RNF216: variants seen among roughly 807,000 people sequenced by gnomAD.
RNF216 encodes ring finger protein 216, also known as E3 ubiquitin-protein ligase RNF216.
A neutral mutation model predicts 110.8 loss-of-function variants in RNF216; 72 were observed. The observed-to-expected ratio is 0.65, with a 90% CI of 0.54 to 0.79. The LOEUF is 0.79. RNF216 is among the 30% of genes least tolerant of loss of function. The probability of loss-of-function intolerance (pLI) is 0.00; values close to 1 mark genes in which losing one functional copy is unlikely to be tolerated. For missense variants in RNF216, 1,342 were observed against 1,141.2 expected (o/e 1.18, Z -2.54); for synonymous variants, 495 against 407.5 (o/e 1.21, Z -2.59).
At chr7:5,726,606 C>A (rs1793767274) in intron 7 of RNF216, among the ~76,000 whole-genome samples, 1 of 152,204 alleles carries the variant, frequency 6.6e-6, no homozygotes, top group East Asian at 1.9e-4. Context: ...GCCTGTAATC[C>A]CAGCACTTTG....
chr7:5,670,163 A>C (rs1211472235), intron 13 of RNF216, among the ~76,000 whole-genome samples: 1 of 151,916 alleles, frequency 6.6e-6, no homozygotes, highest in African/African-American at 2.4e-5. Context: ...CAAACTCCTG[A>C]CCTCAAGTGA....
intron 13 of RNF216, among the ~76,000 whole-genome samples, chr7:5,679,953 G>A (rs1334237786): frequency 6.6e-6 from 1 of 152,186 alleles, no homozygotes; most frequent in Non-Finnish European, 1.5e-5. Context: ...TATGCACAGC[G>A]AGTCCCTTAG....
chr7:5,680,624 G>C lies in RNF216; in HGVS notation c.2062-28114C>G, dbSNP rs852395. On this transcript the variant is annotated intron_variant, in intron 13 of 16. Coordinates refer to ENST00000389902, the MANE Select transcript of RNF216 (RefSeq NM_207111.4). The surrounding 1 kb of genome is among the most constrained non-coding windows in gnomAD (Gnocchi z 4.3). The stretch of plus-strand genomic sequence containing the variant: ...TCACCATGTTGGCCAGGATGGTCTC[G>C]ATCTCCTGACCTTGTGATCTGCCCG... 2.6e-5 allele frequency among the ~76,000 whole-genome samples: 4 copies of C among 151,902 alleles called. No individual in the cohort carries two copies. The highest frequency in any genetic ancestry group is 1.9e-4 in the East Asian group (1 of 5,168).
At chr7:5,773,769 T>G (rs10229675) in intron 1 of RNF216, among the ~76,000 whole-genome samples, 4 of 152,098 alleles carry the variant, frequency 2.6e-5, no homozygotes, top group African/African-American at 9.7e-5. Flanking sequence ...GGTTTTGTCA[T>G]GTTGGCCAGG....
chr7:5,726,460 C>A (rs1178404052), intron 7 of RNF216, among the ~76,000 whole-genome samples: 1 of 152,206 alleles, frequency 6.6e-6, no homozygotes, highest in Non-Finnish European at 1.5e-5. Context: ...CCACCCCACC[C>A]TGTAACAGGA....
chr7:5,642,485 G>A (rs911703905), intron 14 of RNF216, among the ~76,000 whole-genome samples: 2 of 150,852 alleles, frequency 1.3e-5, no homozygotes, highest in African/African-American at 2.4e-5. Flanking sequence ...AAAGTGCTGG[G>A]ATTACAAGTG....
chr7:5,650,875 G>C (rs186075477), intron 14 of RNF216, among the ~76,000 whole-genome samples: 1 of 152,266 alleles, frequency 6.6e-6, no homozygotes, highest in East Asian at 1.9e-4. Context: ...GTACCCACCT[G>C]TGCTGCATAC....
intron 1 of RNF216, among the ~76,000 whole-genome samples, chr7:5,770,475 A>G (rs1218517658): frequency 6.6e-6 from 1 of 152,050 alleles, no homozygotes; most frequent in Non-Finnish European, 1.5e-5. Flanking sequence ...AAAAAAAAAA[A>G]GATTACTGGG....
chr7:5,679,758 CTG>C (rs1257110794), intron 13 of RNF216, among the ~76,000 whole-genome samples: 1 of 152,192 alleles, frequency 6.6e-6, no homozygotes, highest in Non-Finnish European at 1.5e-5. Context: ...AAGAGCGTAT[CTG>C]TGTGAGTGCC....
intron 5 of RNF216, among the ~76,000 whole-genome samples, chr7:5,734,357 A>G (rs1794266677): frequency 6.6e-6 from 1 of 152,116 alleles, no homozygotes; most frequent in South Asian, 2.1e-4. Context: ...AAAAGACTAT[A>G]GACTATACAA....
intron 13 of RNF216, among the ~76,000 whole-genome samples, chr7:5,708,950 T>C (rs2128626862): frequency 6.6e-6 from 1 of 152,146 alleles, no homozygotes; most frequent in East Asian, 1.9e-4. Context: ...TCTGGCGCAG[T>C]ACAAACCACC....
At chr7:5,764,278 T>C (rs1180786238) in intron 1 of RNF216, among the ~76,000 whole-genome samples, 4 of 149,076 alleles carry the variant, frequency 2.7e-5, no homozygotes, top group African/African-American at 9.8e-5. Flanking sequence ...ATACAGGCTA[T>C]TGGACAGTAG....
chr7:5,729,581 A>C lies in RNF216; in HGVS notation c.1240T>G (p.Phe414Val). Residue 414 changes from phenylalanine (F) to valine (V), a missense_variant, in exon 7 of 17, where the codon TTT becomes GTT. Phe to Val is a conservative substitution (Grantham distance 50). Transcript: ENST00000389902. ...GGGGTCAATTTAGAATAGTCAAAAA[A>C]GTCTATTTTAGGCAACTGAAATGAG... ...QDETKLPKID[F>V]FDYSKLTPLD... The C allele has an allele frequency of 6.2e-7, 1 of 1,614,140 alleles. No individual in the cohort carries two copies. Among genetic ancestry groups the C allele is most frequent in the Non-Finnish European group, 8.5e-7 (1 of 1,179,974 alleles).
intron 11 of RNF216, chr7:5,713,324 C>T (rs999361696): frequency 6.5e-6 from 1 of 155,012 alleles, no homozygotes; most frequent in Non-Finnish European, 1.4e-5. Flanking sequence ...AAGGAATTGG[C>T]TGACTCTGAG....
At chr7:5,748,065 A>T (rs930171171) in intron 3 of RNF216, among the ~76,000 whole-genome samples, 4 of 152,162 alleles carry the variant, frequency 2.6e-5, no homozygotes, top group Non-Finnish European at 4.4e-5. Context: ...GCTCCATACC[A>T]ATAGGCGGTA....
At chr7:5,776,323 C>T (rs1298331869) in intron 1 of RNF216, among the ~76,000 whole-genome samples, 1 of 151,876 alleles carries the variant, frequency 6.6e-6, no homozygotes, top group Non-Finnish European at 1.5e-5. Flanking sequence ...GTGGCTCAAG[C>T]CTGTAATCCC....
chr7:5,654,431 C>T (rs993930129), intron 13 of RNF216, among the ~76,000 whole-genome samples: 2 of 152,016 alleles, frequency 1.3e-5, no homozygotes, highest in African/African-American at 4.8e-5. Context: ...ACAGGTGCCT[C>T]ATTCCAGCAC....
At chr7:5,753,564 T>TTTTCTAAATCTA (rs1795443577) in intron 2 of RNF216, among the ~76,000 whole-genome samples, 1 of 152,212 alleles carries the variant, frequency 6.6e-6, no homozygotes, top group Non-Finnish European at 1.5e-5. Context: ...CTAAATGTAG[T>TTTTCTAAATCTA]AATTCTATTC....
At chr7:5,711,170 G>C (rs932811227) in intron 13 of RNF216, among the ~76,000 whole-genome samples, 1 of 152,204 alleles carries the variant, frequency 6.6e-6, no homozygotes, top group Non-Finnish European at 1.5e-5. Context: ...ATAGCTGAAA[G>C]ATTTTAAGAC....
Sources: gnomAD v4.1 joint callset for allele counts (sites outside exome capture counted in the v4.1 genomes callset) on GRCh38, gnomAD v4.1.1 for gene constraint, Gnocchi (gnomAD v3.1) non-coding constraint, MANE v1.5 for transcripts, NCBI Gene and HGNC (gene_info 2026-07-23, HGNC 2026-07-21) for gene names.